ALKAL1: variants seen among roughly 807,000 people sequenced by gnomAD.
ALKAL1 encodes the protein ALK and LTK ligand 1.
Under a neutral mutation model 13.5 loss-of-function variants are expected in ALKAL1, and 23 were observed. The observed-to-expected ratio is 1.70, with a 90% CI of 1.23 to 2.41. The LOEUF (loss-of-function observed/expected upper bound fraction) is 2.41, where lower values mean the gene tolerates loss of function less well. ALKAL1 is among the 30% of genes most tolerant of loss of function. The pLI, the probability that ALKAL1 is intolerant of heterozygous loss-of-function variation, is 0.00. For missense variants in ALKAL1, 181 were observed against 178.4 expected, an observed-to-expected ratio of 1.01 and a Z score of -0.08; for synonymous variants, 85 against 77.7, an observed-to-expected ratio of 1.09 and a Z score of -0.49.
chr8:52,554,823 T>G (rs1847465105), intron 1 of ALKAL1, among the ~76,000 whole-genome samples: 1 of 152,080 alleles, frequency 6.6e-6, no homozygotes, highest in East Asian at 1.9e-4. Context: ...AGGAATCATT[T>G]AACGAGGAAG....
At chr8:52,540,468 G>A (rs184640195) in intron 2 of ALKAL1, among the ~76,000 whole-genome samples, 47 of 152,262 alleles carry the variant, frequency 3.1e-4, no homozygotes, top group Non-Finnish European at 6.0e-4. Flanking sequence ...GCTCGTGTCT[G>A]TAATCCCAGC....
intron 1 of ALKAL1, among the ~76,000 whole-genome samples, chr8:52,544,151 G>A (rs1272742635): frequency 2.0e-5 from 3 of 152,020 alleles, no homozygotes; most frequent in African/African-American, 7.3e-5. Flanking sequence ...ACATGTTCAA[G>A]GAATAGGAAG....
chr8:52,540,907 T>A (rs975103041), intron 2 of ALKAL1, among the ~76,000 whole-genome samples: 1 of 152,094 alleles, frequency 6.6e-6, no homozygotes, highest in African/African-American at 2.4e-5. Context: ...CTCAGGACCA[T>A]CCTTTCCGTT....
chr8:52,538,046 G>A (rs936528950), intron 4 of ALKAL1, among the ~76,000 whole-genome samples: 3 of 150,512 alleles, frequency 2.0e-5, no homozygotes, highest in Non-Finnish European at 3.0e-5. Context: ...CAGAGATCGC[G>A]CCACTGCACT....
At chr8:52,556,780 A>C (rs547395709) in intron 1 of ALKAL1, among the ~76,000 whole-genome samples, 2 of 152,212 alleles carry the variant, frequency 1.3e-5, no homozygotes, top group East Asian at 3.9e-4. Flanking sequence ...CATTGTGCAC[A>C]TAACCTAACC....
At chr8:52,539,277 CAT>C (rs1412172815) in intron 3 of ALKAL1, among the ~76,000 whole-genome samples, 1 of 152,136 alleles carries the variant, frequency 6.6e-6, no homozygotes, top group Non-Finnish European at 1.5e-5. Context: ...AGTTACCACA[CAT>C]AGTCATAATT....
At position 52,534,377 on chromosome 8, in the gene ALKAL1, C is replaced by A. The variant is rs1847247669; in HGVS notation, c.*236G>T. 2.8e-6 allele frequency: 1 copy of A among 358,674 alleles called. No individual in the cohort carries two copies. Among genetic ancestry groups the A allele is most frequent in the Non-Finnish European group, 4.9e-6 (1 of 202,826 alleles). The allele number at this position is 358,674 out of a possible 1,614,324, so 22.2% of individuals were successfully genotyped here. A position where few individuals can be genotyped will look rare whatever the true frequency, so the allele number is the denominator to read the frequency against. On this transcript the variant is annotated 3_prime_UTR_variant, in exon 5 of 5. Transcript: ENST00000358543. ...TTTTTAATATCTAATTTTCAATATG[C>A]GATTCAAACTCTGTTTTACAAAATT...
intron 1 of ALKAL1, among the ~76,000 whole-genome samples, chr8:52,558,280 A>G (rs1164737621): frequency 7.3e-6 from 1 of 137,840 alleles, no homozygotes; most frequent in Admixed American, 7.7e-5. Flanking sequence ...TCTGGGAGGT[A>G]GAGGCTGCAG....
chr8:52,560,770 AATGAGT>A (rs1847541540), intron 1 of ALKAL1, among the ~76,000 whole-genome samples: 1 of 139,918 alleles, frequency 7.1e-6, no homozygotes, highest in Admixed American at 7.5e-5. Flanking sequence ...GGCATCTCAG[AATGAGT>A]ATTTATGATC....
At chr8:52,545,981 C>G (rs1485095469) in intron 1 of ALKAL1, among the ~76,000 whole-genome samples, 3 of 152,202 alleles carry the variant, frequency 2.0e-5, no homozygotes, top group Non-Finnish European at 1.5e-5. Flanking sequence ...CCTATTGCTC[C>G]TAGGCTACAA....
In ALKAL1 at chr8:52,546,159, C is replaced by T. The variant is rs147113682; in HGVS notation, c.191-3714G>A. ...ATGACAGAAACGTCCTTTTGTGGCA[C>T]GTGACTGTAACTGTATTGACTAGCA... is the stretch of plus-strand genomic sequence containing the variant. On this transcript the variant is annotated intron_variant, in intron 1 of 4. Coordinates refer to ENST00000358543, the MANE Select transcript of ALKAL1 (RefSeq NM_207413.4). Among the ~76,000 whole-genome samples the T allele has an allele frequency of 2.0e-3, 311 of 152,320 alleles. 4 individuals are homozygous for T. Among genetic ancestry groups the T allele is most frequent in the African/African-American group, 7.1e-3 (294 of 41,564 alleles).
chr8:52,559,799 T>A (rs7822806), intron 1 of ALKAL1, among the ~76,000 whole-genome samples: 75,763 of 151,978 alleles, frequency 0.5, 19,048 homozygotes, highest in African/African-American at 0.52. Flanking sequence ...AGACAATAGG[T>A]CTGCTTTAGC....
At chr8:52,553,628 C>G (rs925306051) in intron 1 of ALKAL1, among the ~76,000 whole-genome samples, 1 of 152,084 alleles carries the variant, frequency 6.6e-6, no homozygotes, top group South Asian at 2.1e-4. Context: ...TCAAAGTCCT[C>G]CTATATTATA....
chr8:52,554,851 C>G (rs1847465647), intron 1 of ALKAL1, among the ~76,000 whole-genome samples: 1 of 152,134 alleles, frequency 6.6e-6, no homozygotes. Context: ...TCAACTGCAG[C>G]AAAGTATCCA....
intron 2 of ALKAL1, 29 bp from the exon 3 acceptor site, chr8:52,539,940 T>C: frequency 6.3e-7 from 1 of 1,593,686 alleles, no homozygotes; most frequent in Non-Finnish European, 8.6e-7. Context: ...ATGCTTATTA[T>C]AAACATAGGC....
At chr8:52,543,762 G>T (rs756072091) in intron 1 of ALKAL1, among the ~76,000 whole-genome samples, 29 of 152,006 alleles carry the variant, frequency 1.9e-4, no homozygotes, top group Non-Finnish European at 4.1e-4. Flanking sequence ...TCAATATTTG[G>T]GCCAGGTAGT....
At chr8:52,562,813 G>A (rs531306668) in intron 1 of ALKAL1, among the ~76,000 whole-genome samples, 21 of 152,216 alleles carry the variant, frequency 1.4e-4, no homozygotes, top group African/African-American at 3.9e-4. Context: ...TTGGCCTCCC[G>A]GACCTGCGAG....
chr8:52,540,057 A>G, intron 2 of ALKAL1, 146 bp from the exon 3 acceptor site: 1 of 529,766 alleles, frequency 1.9e-6, no homozygotes, highest in Non-Finnish European at 3.3e-6. Context: ...TCTTCCCCCT[A>G]CCCAGGCTCT....
chr8:52,556,465 G>C (rs1847482289), intron 1 of ALKAL1, among the ~76,000 whole-genome samples: 1 of 151,634 alleles, frequency 6.6e-6, no homozygotes, highest in Non-Finnish European at 1.5e-5. Context: ...GGCTAACACG[G>C]TGAAACCCCG....
Sources: allele counts gnomAD v4.1 joint callset (sites outside exome capture counted in the v4.1 genomes callset), GRCh38; gene constraint gnomAD v4.1.1; transcripts MANE v1.5; gene names NCBI Gene and HGNC (gene_info 2026-07-23, HGNC 2026-07-21).